Variants in SORL1 observed in about 807,000 individuals in gnomAD.
SORL1 encodes the protein sortilin related receptor 1.
In SORL1, 127 loss-of-function variants were observed where a neutral mutation model predicts 273.7. The observed-to-expected ratio is 0.46, with a 90% CI of 0.40 to 0.54. The LOEUF is 0.54. Among genes scored for constraint, SORL1 ranks in the 20% least tolerant of loss-of-function variants. The probability of loss-of-function intolerance (pLI) is 0.00; values close to 1 mark genes in which losing one functional copy is unlikely to be tolerated. For synonymous variants in SORL1, 1,031 were observed against 1,067.4 expected, an observed-to-expected ratio of 0.97 and a Z score of 0.66; for missense variants, 2,494 against 2,846.1, an observed-to-expected ratio of 0.88 and a Z score of 2.81.
chr11:121,488,073 G>T lies in SORL1; in HGVS notation c.570G>T (p.Thr190=), dbSNP rs558460452. Residue 190 remains threonine (T), a synonymous_variant, in exon 4 of 48, where the codon ACG becomes ACT. Coordinates refer to ENST00000260197, the MANE Select transcript of SORL1 (RefSeq NM_003105.6). ...CTTATGCCCAGTACCTCTGGATCAC[G>T]TTTGACTTCTGCAACACTCTTCAAG... ...ADAYAQYLWI[T]FDFCNTLQGF... 1.2e-6 allele frequency: 2 copies of T among 1,614,148 alleles called. No individual in the cohort carries two copies. Among genetic ancestry groups the T allele is most frequent in the South Asian group, 1.1e-5 (1 of 91,078 alleles).
chr11:121,620,696 A>G lies in SORL1; in HGVS notation c.5890-368A>G, dbSNP rs116071820. Among the ~76,000 whole-genome samples the G allele has an allele frequency of 7.9e-3, 1,204 of 152,304 alleles. 18 individuals are homozygous for G. The highest frequency in any genetic ancestry group is 0.028 in the African/African-American group (1,144 of 41,548). ...GAGCCAGGATTGAACACTTTGGTTC[A>G]TTCTCTCTCCACCAACAACATCCAT... is the stretch of plus-strand genomic sequence containing the variant. On this transcript the variant is annotated intron_variant, in intron 43 of 47. Transcript: ENST00000260197.
Position 121,586,279 on chromosome 11 carries a change from A to T in SORL1, c.3764A>T (p.His1255Leu). ...GGCACTTGCATCCCATCCAGCAAAC[A>T]TTGTGATGGTCTGCGTGATTGCTCT... ...PNGTCIPSSKHCDGLRDCSDG... is the reference protein window; with the variant it reads ...PNGTCIPSSKLCDGLRDCSDG... Residue 1255 changes from histidine (H) to leucine (L), a missense_variant, in exon 27 of 48, where the codon CAT (histidine) becomes CTT (leucine). Physicochemically the swap from His to Leu is moderately conservative, Grantham distance 99 (BLOSUM62 -3). Coordinates refer to ENST00000260197, the MANE Select transcript of SORL1 (RefSeq NM_003105.6). 6.2e-7 allele frequency: 1 copy of T among 1,614,148 alleles called. No individual in the cohort carries two copies. The highest frequency in any genetic ancestry group is 8.5e-7 in the Non-Finnish European group (1 of 1,179,998).
intron 1 of SORL1, among the ~76,000 whole-genome samples, chr11:121,453,575 A>AG (rs1860849145): frequency 6.6e-6 from 1 of 152,196 alleles, no homozygotes; most frequent in South Asian, 2.1e-4. Flanking sequence ...CTTGTTTTCT[A>AG]GAGTCAAATT....
At chr11:121,608,027 C>A in intron 37 of SORL1, 77 bp from the exon 38 acceptor site, 1 of 1,301,304 alleles carries the variant, frequency 7.7e-7, no homozygotes, top group Non-Finnish European at 1.1e-6. Flanking sequence ...ACCCCTTTAG[C>A]TCATTCAGTA....
intron 8 of SORL1, among the ~76,000 whole-genome samples, chr11:121,518,904 T>G: frequency 6.6e-6 from 1 of 152,164 alleles, no homozygotes; most frequent in Middle Eastern, 3.4e-3. Flanking sequence ...AGCCGGTGGC[T>G]TAGAACCCCT....
chr11:121,515,928 T>C (rs1025303776), intron 8 of SORL1, among the ~76,000 whole-genome samples: 2 of 152,240 alleles, frequency 1.3e-5, no homozygotes, highest in East Asian at 1.9e-4. Context: ...ATTACAGATA[T>C]GAGCCAACAC....
At chr11:121,481,078 T>C (rs112726463) in intron 3 of SORL1, among the ~76,000 whole-genome samples, 3,401 of 37,056 alleles carry the variant, frequency 0.092, no homozygotes, top group Middle Eastern at 0.13. Context: ...TAGGCAGGCT[T>C]CATCTCCTCC....
chr11:121,457,377 A>G (rs926880592), intron 1 of SORL1, among the ~76,000 whole-genome samples: 2 of 152,198 alleles, frequency 1.3e-5, no homozygotes, highest in African/African-American at 2.4e-5. Flanking sequence ...GTTCACCCAG[A>G]GCTCCTTTCC....
intron 12 of SORL1, among the ~76,000 whole-genome samples, chr11:121,542,775 T>C (rs985142881): frequency 6.6e-6 from 1 of 151,442 alleles, no homozygotes; most frequent in African/African-American, 2.4e-5. Context: ...ATGATCCTTG[T>C]GTGATTTAGT....
At chr11:121,628,038 T>C (rs1331562999) in intron 47 of SORL1, among the ~76,000 whole-genome samples, 3 of 152,224 alleles carry the variant, frequency 2.0e-5, no homozygotes, top group Non-Finnish European at 4.4e-5. Context: ...TCCCAAAGTA[T>C]CGGAAAATCC....
At chr11:121,489,781 AT>A (rs1861525293) in intron 4 of SORL1, among the ~76,000 whole-genome samples, 1 of 152,198 alleles carries the variant, frequency 6.6e-6, no homozygotes, top group East Asian at 1.9e-4. Context: ...GTGAAATATA[AT>A]TTTTGGTAAT....
intron 20 of SORL1, 123 bp downstream of exon 20, chr11:121,558,960 C>G (rs1036697691): frequency 1.6e-6 from 2 of 1,275,496 alleles, no homozygotes; most frequent in African/African-American, 3.0e-5. Context: ...GCCTTTTTTC[C>G]AAATTTGAGA....
chr11:121,556,817 G>A lies in SORL1; in HGVS notation c.2572-497G>A, dbSNP rs571425022. On this transcript the variant is annotated intron_variant, in intron 18 of 47. Coordinates refer to ENST00000260197, the MANE Select transcript of SORL1 (RefSeq NM_003105.6). ...GGCAAGAGCAGACAGCAGTGAGTCC[G>A]CATCAGGCTTGGAGAAGCAAGAGAT... 5.5e-4 allele frequency among the ~76,000 whole-genome samples: 83 copies of A among 152,284 alleles called. No homozygotes were observed. In the South Asian group the frequency reaches 0.015, roughly 28 times the overall value.
rs765695737 is a variant in SORL1 at position 121,619,915 on chromosome 11, T to G, written c.5887T>G (p.Leu1963Val). 6.2e-7 allele frequency: 1 copy of G among 1,613,132 alleles called. No individual in the cohort carries two copies. Among genetic ancestry groups the G allele is most frequent in the Admixed American group, 1.7e-5 (1 of 60,008 alleles). The change falls in exon 43 of 48, where the codon TTG becomes GTG. Residue 1963 changes from leucine (L) to valine (V), a missense_variant and splice_region_variant. By Grantham distance (32) the Leu-to-Val change is conservative. Coordinates refer to ENST00000260197, the MANE Select transcript of SORL1 (RefSeq NM_003105.6). The part of the protein sequence containing the change: ...ESPYDSPDQD[L>V]LYAVAVKDLI... ...ACCGTATGACTCTCCTGACCAGGAC[T>G]TGGTGAGTGGGTTGGGCTTCCAGGC...
intron 11 of SORL1, among the ~76,000 whole-genome samples, chr11:121,528,962 A>G (rs1862162458): frequency 1.3e-5 from 2 of 152,166 alleles, no homozygotes; most frequent in Admixed American, 6.5e-5. Context: ...CTAAGAGAGG[A>G]ATGGTAAGAT....
chr11:121,590,939 AT>A (rs1204177933), intron 30 of SORL1, 61 bp from the exon 31 acceptor site: 7 of 1,592,948 alleles, frequency 4.4e-6, no homozygotes, highest in Middle Eastern at 1.7e-4. Flanking sequence ...TTTGGGACAT[AT>A]TTGGTCTAAG....
rs1297135409 is a variant in SORL1 at position 121,504,233 on chromosome 11, G to A, written c.939+7184G>A. 2.4e-4 allele frequency among the ~76,000 whole-genome samples: 37 copies of A among 152,068 alleles called. 1 individual carries two copies. Among genetic ancestry groups the A allele is most frequent in the Admixed American group, 2.1e-3 (32 of 15,274 alleles). The stretch of plus-strand genomic sequence containing the variant: ...TCGAGACCAGCCTGGCCAATATGGC[G>A]AAACCCCGTCTCTACTAAAAATACA... On this transcript the variant is annotated intron_variant, in intron 6 of 47. Coordinates refer to ENST00000260197, the MANE Select transcript of SORL1 (RefSeq NM_003105.6).
chr11:121,604,441 A>G, intron 33 of SORL1, 117 bp downstream of exon 33: 1 of 1,307,336 alleles, frequency 7.6e-7, no homozygotes, highest in East Asian at 2.5e-5. Context: ...GCTCAATCTA[A>G]GGATAAAACA....
chr11:121,488,178 C>G lies in SORL1; in HGVS notation c.675C>G (p.Ser225=). 6.2e-7 allele frequency: 1 copy of G among 1,613,994 alleles called. No homozygotes were observed. Among genetic ancestry groups the G allele is most frequent in the South Asian group, 1.1e-5 (1 of 91,068 alleles). The change falls in exon 4 of 48, where the codon TCC becomes TCG. Residue 225 remains serine, a synonymous_variant. Transcript: ENST00000260197. ...ASNLLLGFDR[S]HPNKQLWKSD... ...ACCTTCTCTTGGGCTTTGACAGGTCCCACCCCAACAAGCAGGTAAGAGGGC... is the reference window on the plus strand; with the variant it reads ...ACCTTCTCTTGGGCTTTGACAGGTCGCACCCCAACAAGCAGGTAAGAGGGC...
Sources: gnomAD v4.1 joint callset for allele counts (sites outside exome capture counted in the v4.1 genomes callset) on GRCh38, gnomAD v4.1.1 for gene constraint, MANE v1.5 for transcripts, NCBI Gene and HGNC (gene_info 2026-07-23, HGNC 2026-07-21) for gene names.